Variants in TMTC2 observed in about 807,000 individuals in gnomAD.
TMTC2 encodes transmembrane O-mannosyltransferase targeting cadherins 2.
TMTC2 carries 43 observed loss-of-function variants against 82.4 expected under a neutral mutation model. That is an observed-to-expected ratio of 0.52 (90% CI 0.41 to 0.67). The LOEUF is 0.67. Among genes scored for constraint, TMTC2 ranks in the 30% least tolerant of loss-of-function variants. The pLI, the probability that TMTC2 is intolerant of heterozygous loss-of-function variation, is 0.00. For missense variants in TMTC2, 919 were observed against 1,012.4 expected (o/e 0.91, Z 1.25); for synonymous variants, 408 against 381.9 (o/e 1.07, Z -0.80).
At chr12:83,048,600 CTTACCT>C (rs1882226988) in intron 9 of TMTC2, among the ~76,000 whole-genome samples, 1 of 152,134 alleles carries the variant, frequency 6.6e-6, no homozygotes, top group South Asian at 2.1e-4. Context: ...TAATCGTAGG[CTTACCT>C]TTACTCAGCA....
intron 1 of TMTC2, among the ~76,000 whole-genome samples, chr12:82,774,517 A>G (rs1877482511): frequency 6.6e-6 from 1 of 151,874 alleles, no homozygotes; most frequent in Non-Finnish European, 1.5e-5. Context: ...GCTACTCGGG[A>G]GGCTGAGACA....
chr12:83,006,762 G>A (rs7304854), intron 8 of TMTC2, among the ~76,000 whole-genome samples: 136,726 of 152,200 alleles, frequency 0.9, 61,437 homozygotes, highest in South Asian at 0.97. Flanking sequence ...ACCATGGAAT[G>A]CTATGCAGCC....
intron 1 of TMTC2, among the ~76,000 whole-genome samples, chr12:82,811,303 C>T (rs961043104): frequency 3.9e-5 from 6 of 151,980 alleles, no homozygotes; most frequent in Admixed American, 1.3e-4. Context: ...AGTATGAAAA[C>T]GTACTAATAC....
intron 1 of TMTC2, among the ~76,000 whole-genome samples, chr12:82,716,508 C>A (rs1475369717): frequency 6.6e-6 from 1 of 151,968 alleles, no homozygotes; most frequent in Non-Finnish European, 1.5e-5. Flanking sequence ...GGACTACAGG[C>A]GCGCGCCACC....
At position 82,896,546 on chromosome 12, in the gene TMTC2, A is replaced by G; in HGVS notation, c.1383A>G (p.Thr461=). Residue 461 remains threonine, a synonymous_variant, in exon 3 of 12, where the codon ACA becomes ACG. Coordinates refer to ENST00000321196, the MANE Select transcript of TMTC2 (RefSeq NM_152588.3). ...GCTTGATTTTTTATGCTACAGCTAC[A>G]CTAATTGTTTTTTATGGACTCAAGA... ...LKSLIFYATA[T]LIVFYGLKTA... 1.2e-6 allele frequency: 2 copies of G among 1,614,168 alleles called. No homozygotes were observed. The highest frequency in any genetic ancestry group is 1.7e-6 in the Non-Finnish European group (2 of 1,180,030).
At chr12:82,719,726 GC>G (rs78856439) in intron 1 of TMTC2, among the ~76,000 whole-genome samples, 15,103 of 132,438 alleles carry the variant, frequency 0.11, 897 homozygotes, top group East Asian at 0.26. Context: ...CACAGTTTTG[GC>G]CCCAAGTAAC....
At chr12:83,027,117 A>C (rs10862563) in intron 8 of TMTC2, among the ~76,000 whole-genome samples, 89,767 of 151,616 alleles carry the variant, frequency 0.59, 27,093 homozygotes, top group South Asian at 0.73. Flanking sequence ...GAACCAGTAC[A>C]TGTGTTCAGA....
intron 1 of TMTC2, among the ~76,000 whole-genome samples, chr12:82,710,616 AG>A (rs1873578220): frequency 6.6e-6 from 1 of 152,264 alleles, no homozygotes; most frequent in African/African-American, 2.4e-5. Context: ...AATATTTAAA[AG>A]TTTTATATTT....
At chr12:82,780,730 G>A (rs886533063) in intron 1 of TMTC2, among the ~76,000 whole-genome samples, 1 of 151,568 alleles carries the variant, frequency 6.6e-6, no homozygotes, top group Non-Finnish European at 1.5e-5. Context: ...ATTCTCAGAG[G>A]CAAATCTTAA....
In TMTC2 at chr12:82,938,114, A is replaced by G. The variant is rs947318600; in HGVS notation, c.1598+7569A>G. ...TTTTTAGTAGAGACGGGGTTTCGCC[A>G]TGTTGGCCAGGCTGGTCTCGAACTC... On this transcript the variant is annotated intron_variant, in intron 4 of 11. Transcript: ENST00000321196. Among the ~76,000 whole-genome samples, 138 of 151,612 alleles carry G rather than the reference A, an allele frequency of 9.1e-4. 1 individual carries two copies. The highest frequency in any genetic ancestry group is 3.2e-3 in the African/African-American group (133 of 41,282).
chr12:83,115,502 C>T (rs1456169918), intron 11 of TMTC2, among the ~76,000 whole-genome samples: 2 of 152,066 alleles, frequency 1.3e-5, no homozygotes, highest in Non-Finnish European at 2.9e-5. Flanking sequence ...CATCAGATAT[C>T]TTCTTATATA....
At chr12:82,693,993 G>C (rs1261374562) in intron 1 of TMTC2, among the ~76,000 whole-genome samples, 1 of 148,536 alleles carries the variant, frequency 6.7e-6, no homozygotes, top group Non-Finnish European at 1.5e-5. Flanking sequence ...AAAAAAAAAG[G>C]TGTAAATGTT....
chr12:83,007,003 G>A lies in TMTC2; in HGVS notation c.2070+20957G>A, dbSNP rs1880235036. On this transcript the variant is annotated intron_variant, in intron 8 of 11. Transcript: ENST00000321196. Reference sequence around the variant, plus strand: ...ACCTAATGTAAATGACGAGTTGATGGGTGCTGCAAACCACCATGGCACATG... The same window carrying A: ...ACCTAATGTAAATGACGAGTTGATGAGTGCTGCAAACCACCATGGCACATG... Among the ~76,000 whole-genome samples, 3 of 151,938 alleles carry A rather than the reference G, an allele frequency of 2.0e-5. No homozygotes were observed. In the South Asian group the frequency reaches 6.2e-4, roughly 32 times the overall value.
chr12:83,065,610 G>T (rs1252791340), intron 11 of TMTC2, among the ~76,000 whole-genome samples: 1 of 151,660 alleles, frequency 6.6e-6, no homozygotes, highest in African/African-American at 2.4e-5. Context: ...TACCGAAATT[G>T]CCATTTTAAG....
At chr12:82,906,216 G>C (rs1357657465) in intron 3 of TMTC2, among the ~76,000 whole-genome samples, 1 of 152,110 alleles carries the variant, frequency 6.6e-6, no homozygotes, top group African/African-American at 2.4e-5. Flanking sequence ...ACCTCGAATT[G>C]AGTGTCTTTA....
intron 2 of TMTC2, among the ~76,000 whole-genome samples, chr12:82,892,524 G>A (rs2137173715): frequency 6.6e-6 from 1 of 152,248 alleles, no homozygotes; most frequent in African/African-American, 2.4e-5. Context: ...GCCTTGTTAT[G>A]ACATTTCTGT....
intron 3 of TMTC2, among the ~76,000 whole-genome samples, chr12:82,911,905 C>T (rs544610037): frequency 2.6e-4 from 40 of 152,284 alleles, no homozygotes; most frequent in African/African-American, 9.4e-4. Context: ...CCACCTCGTC[C>T]AGCCCATACT....
intron 1 of TMTC2, among the ~76,000 whole-genome samples, chr12:82,821,734 C>T (rs922961716): frequency 1.3e-5 from 2 of 151,860 alleles, no homozygotes; most frequent in Non-Finnish European, 2.9e-5. Context: ...ATTAGCCGGG[C>T]ACGGTAACAC....
intron 1 of TMTC2, among the ~76,000 whole-genome samples, chr12:82,717,882 A>G (rs1410350317): frequency 1.3e-5 from 2 of 152,204 alleles, no homozygotes; most frequent in Non-Finnish European, 2.9e-5. Flanking sequence ...TCCTGTAATC[A>G]GGAAATTTTA....
Sources: allele counts gnomAD v4.1 joint callset (sites outside exome capture counted in the v4.1 genomes callset), GRCh38; gene constraint gnomAD v4.1.1; transcripts MANE v1.5; gene names NCBI Gene and HGNC (gene_info 2026-07-23, HGNC 2026-07-21).